Variants in MALT1 observed in about 807,000 individuals in gnomAD.
The protein encoded by MALT1 is MALT1 paracaspase.
MALT1 carries 36 observed loss-of-function variants against 85.5 expected under a neutral mutation model. The ratio of observed to expected loss-of-function variants is 0.42; its 90% CI spans 0.32 to 0.56. The LOEUF (loss-of-function observed/expected upper bound fraction) is 0.56, where lower values mean the gene tolerates loss of function less well. Ranked by LOEUF, MALT1 falls within the 20% of genes least tolerant of loss-of-function variation. MALT1 has a pLI of 0.10. For missense variants in MALT1, 716 were observed against 981.6 expected (o/e 0.73, Z 3.62); for synonymous variants, 359 against 361.3 (o/e 0.99, Z 0.07).
intron 10 of MALT1, among the ~76,000 whole-genome samples, chr18:58,732,987 A>G (rs1227295116): frequency 6.6e-6 from 1 of 151,764 alleles, no homozygotes; most frequent in East Asian, 1.9e-4. Context: ...CTCAGCTTAC[A>G]GCAATCTCCA....
At chr18:58,692,787 C>T (rs1183179058) in intron 2 of MALT1, among the ~76,000 whole-genome samples, 1 of 152,102 alleles carries the variant, frequency 6.6e-6, no homozygotes, top group East Asian at 1.9e-4. Flanking sequence ...AACCAAGTTG[C>T]GAATGCAGAA....
Position 58,742,094 on chromosome 18 carries a change from T to A in MALT1, c.1753+80T>A, listed in dbSNP as rs1299766168. The stretch of plus-strand genomic sequence containing the variant: ...AAAGTTTCTTCTGAATAAATAACTT[T>A]CCTCCCAGTTTTACAGTGAAAATAT... On this transcript the variant is annotated intron_variant, in intron 14 of 16. Transcript: ENST00000649217. 8 of 1,201,328 alleles carry A rather than the reference T, an allele frequency of 6.7e-6. No individual in the cohort carries two copies. The Admixed American group carries it at 8.4e-5, about 13-fold the overall frequency. The allele number at this position is 1,201,328 out of a possible 1,614,324, so 74.4% of individuals were successfully genotyped here.
intron 2 of MALT1, chr18:58,692,023 G>A (rs187603480): frequency 2.2e-5 from 3 of 139,180 alleles, no homozygotes; most frequent in Admixed American, 7.7e-5. Context: ...CAGTCTGGGC[G>A]ACGGAGCGAG....
rs772867881 is a variant in MALT1, at chr18:58,709,457, A to G, written c.729A>G (p.Thr243=). 6.2e-7 allele frequency: 1 copy of G among 1,613,174 alleles called. No individual in the cohort carries two copies. Among genetic ancestry groups the G allele is most frequent in the South Asian group, 1.1e-5 (1 of 90,946 alleles). The change falls in exon 5 of 17, where the codon ACA becomes ACG. Residue 243 remains threonine, a synonymous_variant. Coordinates refer to ENST00000649217, the MANE Select transcript of MALT1 (RefSeq NM_006785.4). The stretch of plus-strand genomic sequence containing the variant: ...CCCAAAAGCTGATGCCAGGCAGCAC[A>G]TTGGTTTTACAGTGTGTTGCTGTTG... ...PTSQKLMPGS[T]LVLQCVAVGS...
chr18:58,698,323 C>A (rs2054624636), intron 3 of MALT1, among the ~76,000 whole-genome samples: 1 of 152,026 alleles, frequency 6.6e-6, no homozygotes, highest in Non-Finnish European at 1.5e-5. Flanking sequence ...CCTCAGCCTC[C>A]CAAAGTGCTG....
rs113761234 is a variant in MALT1 at position 58,701,913 on chromosome 18, T to A, written c.649+1322T>A. On this transcript the variant is annotated intron_variant, in intron 4 of 16. Coordinates refer to ENST00000649217, the MANE Select transcript of MALT1 (RefSeq NM_006785.4). ...CCAATAGCACTCAGTAGATGTTTGT[T>A]GACAGAATGAAGAACCAGGGTGAAT... Among the ~76,000 whole-genome samples, 1,093 of 152,322 alleles carry A rather than the reference T, an allele frequency of 7.2e-3. 15 individuals are homozygous for A. Among genetic ancestry groups the A allele is most frequent in the African/African-American group, 0.025 (1,042 of 41,554 alleles).
At chr18:58,678,584 A>C (rs933063398) in intron 1 of MALT1, among the ~76,000 whole-genome samples, 4 of 152,176 alleles carry the variant, frequency 2.6e-5, no homozygotes, top group Non-Finnish European at 5.9e-5. Context: ...CACCGTTCTA[A>C]GGTGAAATTA....
chr18:58,729,529 A>C (rs2055116628), intron 10 of MALT1, among the ~76,000 whole-genome samples: 1 of 151,916 alleles, frequency 6.6e-6, no homozygotes, highest in African/African-American at 2.4e-5. Context: ...ATAGTCCTTT[A>C]ATACAAGGAG....
chr18:58,729,228 G>A (rs1220904315), intron 10 of MALT1, among the ~76,000 whole-genome samples: 1 of 152,066 alleles, frequency 6.6e-6, no homozygotes, highest in Non-Finnish European at 1.5e-5. Context: ...GTGGCTCAAC[G>A]CCTGTAATCC....
intron 10 of MALT1, among the ~76,000 whole-genome samples, chr18:58,728,380 G>A (rs184157428): frequency 2.7e-5 from 4 of 147,676 alleles, no homozygotes; most frequent in African/African-American, 1.0e-4. Context: ...AAGGTGGGAG[G>A]GTTGCTTGAG....
intron 1 of MALT1, 142 bp downstream of exon 1, chr18:58,671,994 T>C (rs1382560830): frequency 2.1e-6 from 1 of 486,926 alleles, no homozygotes; most frequent in Non-Finnish European, 3.1e-6. Flanking sequence ...CTTCGGTCAT[T>C]GAGGCGGAGC....
intron 2 of MALT1, chr18:58,691,464 G>A (rs900088212): frequency 3.5e-6 from 1 of 282,186 alleles, no homozygotes; most frequent in East Asian, 1.1e-4. Context: ...CCATTTCCTG[G>A]TGTTACAGTA....
In MALT1 at chr18:58,749,929, C is replaced by G. The variant is rs957363166; in HGVS notation, c.*2087C>G. On this transcript the variant is annotated 3_prime_UTR_variant, in exon 17 of 17. Transcript: ENST00000649217. The stretch of plus-strand genomic sequence containing the variant: ...GGACAAGGATGTTCACTCGGCACTA[C>G]TTCTATTCAGCATTGTACTTGAAGT... The G allele has an allele frequency of 3.3e-5, 7 of 210,076 alleles. No homozygotes were observed. Among genetic ancestry groups the G allele is most frequent in the African/African-American group, 1.6e-4 (7 of 44,038 alleles). The allele number at this position is 210,076 out of a possible 1,614,324, so 13.0% of individuals were successfully genotyped here. A position where few individuals can be genotyped will look rare whatever the true frequency, so the allele number is the denominator to read the frequency against.
intron 11 of MALT1, chr18:58,734,028 A>G: frequency 8.0e-7 from 1 of 1,246,914 alleles, no homozygotes; most frequent in Non-Finnish European, 1.0e-6. Flanking sequence ...AGTAGAACCA[A>G]TGACTGTTCC....
rs2055406178 is a variant in MALT1, at chr18:58,748,647, T to C, written c.*805T>C. On this transcript the variant is annotated 3_prime_UTR_variant, in exon 17 of 17. Transcript: ENST00000649217. Reference sequence around the variant, plus strand: ...GCTGCCTATCAGAATTTCCCAAATATTTAGCATCTTCCTTGATAATATGTA... The same window carrying C: ...GCTGCCTATCAGAATTTCCCAAATACTTAGCATCTTCCTTGATAATATGTA... 5.2e-6 allele frequency: 1 copy of C among 191,496 alleles called. No individual in the cohort carries two copies. The highest frequency in any genetic ancestry group is 2.3e-5 in the African/African-American group (1 of 43,254). The allele number at this position is 191,496 out of a possible 1,614,324, so 11.9% of individuals were successfully genotyped here. A position where few individuals can be genotyped will look rare whatever the true frequency, so the allele number is the denominator to read the frequency against.
At chr18:58,689,029 G>A (rs781668583) in intron 2 of MALT1, among the ~76,000 whole-genome samples, 1 of 152,040 alleles carries the variant, frequency 6.6e-6, no homozygotes, top group Non-Finnish European at 1.5e-5. Flanking sequence ...ATGCACACCC[G>A]TAGACCCAGC....
intron 3 of MALT1, among the ~76,000 whole-genome samples, chr18:58,697,715 C>A (rs1602297086): frequency 6.6e-6 from 1 of 152,158 alleles, no homozygotes; most frequent in Admixed American, 6.5e-5. Context: ...GAAAATGCAT[C>A]TTAGAGTTGA....
At chr18:58,676,258 G>A (rs183044120) in intron 1 of MALT1, among the ~76,000 whole-genome samples, 193 of 152,172 alleles carry the variant, frequency 1.3e-3, no homozygotes, top group Non-Finnish European at 2.2e-3. Flanking sequence ...GGCCAGGCGT[G>A]GTAGCCTCAC....
rs2055435082 is a variant in MALT1 at position 58,750,697 on chromosome 18, A to G, written c.*2855A>G. On this transcript the variant is annotated 3_prime_UTR_variant, in exon 17 of 17. Transcript: ENST00000649217. ...TGGTAGCTACGTGCACAGCAAAAGG[A>G]TCCCTACCTTCCTACCACATTACAA... 1.3e-5 allele frequency: 2 copies of G among 152,196 alleles called. No homozygotes were observed. Among genetic ancestry groups the G allele is most frequent in the East Asian group, 3.8e-4 (2 of 5,202 alleles). 9.4% of individuals were successfully genotyped at this position (152,196 alleles called of 1,614,324 possible). A position where few individuals can be genotyped will look rare whatever the true frequency, so the allele number is the denominator to read the frequency against.
Sources: gnomAD v4.1 joint callset for allele counts (sites outside exome capture counted in the v4.1 genomes callset) on GRCh38, gnomAD v4.1.1 for gene constraint, MANE v1.5 for transcripts, NCBI Gene and HGNC (gene_info 2026-07-23, HGNC 2026-07-21) for gene names.